The following CSMD1 variants were observed in gnomAD, a reference collection of about 807,000 sequenced individuals.
CSMD1 encodes the protein CUB and Sushi multiple domains 1, also known as CUB and sushi domain-containing protein 1.
A neutral mutation model predicts 417.5 loss-of-function variants in CSMD1; 213 were observed. The observed-to-expected ratio is 0.51, with a 90% CI of 0.46 to 0.57. The LOEUF (loss-of-function observed/expected upper bound fraction) is 0.57. CSMD1 is among the 20% of genes least tolerant of loss of function. The pLI, the probability that CSMD1 is intolerant of heterozygous loss-of-function variation, is 0.00. For synonymous variants in CSMD1, 2,862 were observed against 1,736.8 expected, an observed-to-expected ratio of 1.65 and a Z score of -16.11; for missense variants, 6,923 against 4,529.7, an observed-to-expected ratio of 1.53 and a Z score of -15.17.
intron 7 of CSMD1, among the ~76,000 whole-genome samples, chr8:3,619,474 G>C (rs1014157158): frequency 2.6e-5 from 4 of 152,040 alleles, no homozygotes; most frequent in Admixed American, 2.6e-4. Flanking sequence ...AGTCACTGAA[G>C]AAATATATGC....
chr8:4,216,478 T>C (rs1009367816), intron 3 of CSMD1, among the ~76,000 whole-genome samples: 1 of 152,138 alleles, frequency 6.6e-6, no homozygotes, highest in African/African-American at 2.4e-5. Flanking sequence ...ATTAGTAAAA[T>C]TTTACTCATT....
chr8:3,819,139 A>G (rs1801568593), intron 5 of CSMD1, among the ~76,000 whole-genome samples: 1 of 152,208 alleles, frequency 6.6e-6, no homozygotes, highest in South Asian at 2.1e-4. Flanking sequence ...CTGGTCTAGC[A>G]GGCGGAAAGG....
At chr8:4,875,609 T>A (rs1802997614) in intron 1 of CSMD1, among the ~76,000 whole-genome samples, 1 of 152,080 alleles carries the variant, frequency 6.6e-6, no homozygotes, top group Non-Finnish European at 1.5e-5. Context: ...TAAGCGTAGC[T>A]TGAGTTGTTT....
intron 1 of CSMD1, among the ~76,000 whole-genome samples, chr8:4,750,596 G>T (rs1355915607): frequency 2.0e-5 from 3 of 151,928 alleles, no homozygotes; most frequent in Non-Finnish European, 4.4e-5. Context: ...TGAGTGGTTC[G>T]TGATCCAGCA....
intron 25 of CSMD1, among the ~76,000 whole-genome samples, chr8:3,302,811 G>C (rs999877281): frequency 7.9e-5 from 12 of 152,190 alleles, no homozygotes; most frequent in African/African-American, 2.9e-4. Flanking sequence ...CAGCTGAAAT[G>C]TGAGTGGTAT....
rs144720313 is a variant in CSMD1 at position 3,320,535 on chromosome 8, A to G, written c.3632-12032T>C. Among the ~76,000 whole-genome samples, 923 of 152,292 alleles carry G rather than the reference A, an allele frequency of 6.1e-3. 10 individuals are homozygous for G. The highest frequency in any genetic ancestry group is 0.021 in the African/African-American group (865 of 41,570). ...CATAGGCTGATACTTTTTTTATTCT[A>G]CAACTAATAAATACAAAGAAATTGT... On this transcript the variant is annotated intron_variant, in intron 23 of 69. Transcript: ENST00000635120.
At chr8:4,358,486 T>C (rs1188778512) in intron 3 of CSMD1, among the ~76,000 whole-genome samples, 1 of 152,158 alleles carries the variant, frequency 6.6e-6, no homozygotes, top group Non-Finnish European at 1.5e-5. Context: ...TTCCACAAGG[T>C]GTATGTCTCC....
chr8:4,445,254 T>C (rs1170081205), intron 2 of CSMD1, among the ~76,000 whole-genome samples: 1 of 152,204 alleles, frequency 6.6e-6, no homozygotes, highest in African/African-American at 2.4e-5. Flanking sequence ...GTTCTCTTTC[T>C]AGCCATATGT....
intron 21 of CSMD1, among the ~76,000 whole-genome samples, chr8:3,349,490 C>T (rs1431654708): frequency 6.6e-6 from 1 of 151,886 alleles, no homozygotes; most frequent in East Asian, 1.9e-4. Flanking sequence ...ACTTCTCCCT[C>T]ATCCTCCTTA....
chr8:4,957,676 A>C (rs901070182), intron 1 of CSMD1, among the ~76,000 whole-genome samples: 13 of 152,222 alleles, frequency 8.5e-5, no homozygotes, highest in Non-Finnish European at 1.6e-4. Flanking sequence ...AAAGGATATA[A>C]AAACTCATTG....
chr8:3,645,303 G>A (rs1797521594), intron 7 of CSMD1, among the ~76,000 whole-genome samples: 1 of 152,148 alleles, frequency 6.6e-6, no homozygotes, highest in Non-Finnish European at 1.5e-5. Context: ...ACACAAATGT[G>A]TTCTCCCAGC....
At chr8:3,713,450 C>T (rs1801643122) in intron 6 of CSMD1, among the ~76,000 whole-genome samples, 1 of 152,138 alleles carries the variant, frequency 6.6e-6, no homozygotes, top group South Asian at 2.1e-4. Flanking sequence ...TCCTGCCCTC[C>T]TCTGTAGCCC....
At chr8:3,891,349 C>T (rs1806958324) in intron 5 of CSMD1, among the ~76,000 whole-genome samples, 1 of 152,150 alleles carries the variant, frequency 6.6e-6, no homozygotes, top group South Asian at 2.1e-4. Context: ...CGCGCCTATC[C>T]TGAGCAGGTT....
intron 8 of CSMD1, among the ~76,000 whole-genome samples, chr8:3,611,445 G>T (rs951836135): frequency 2.6e-5 from 4 of 152,012 alleles, no homozygotes; most frequent in African/African-American, 9.7e-5. Flanking sequence ...TTAATTTAAA[G>T]AACGATAGAC....
intron 25 of CSMD1, among the ~76,000 whole-genome samples, chr8:3,296,182 G>T (rs991314187): frequency 1.3e-5 from 2 of 152,008 alleles, no homozygotes; most frequent in African/African-American, 4.8e-5. Flanking sequence ...AGTATTAAAT[G>T]GGGTGGTTAG....
intron 10 of CSMD1, among the ~76,000 whole-genome samples, chr8:3,524,366 C>G (rs1342205096): frequency 2.0e-5 from 3 of 151,824 alleles, no homozygotes; most frequent in African/African-American, 7.3e-5. Context: ...CAGGCGCACA[C>G]AAGTGCACAC....
intron 3 of CSMD1, among the ~76,000 whole-genome samples, chr8:4,350,538 G>A (rs1425380158): frequency 6.6e-6 from 1 of 152,160 alleles, no homozygotes; most frequent in Non-Finnish European, 1.5e-5. Flanking sequence ...AGGTAGGAAT[G>A]GAGGCTAATG....
At chr8:3,333,094 T>G (rs1486363245) in intron 23 of CSMD1, among the ~76,000 whole-genome samples, 2 of 152,248 alleles carry the variant, frequency 1.3e-5, no homozygotes, top group South Asian at 2.1e-4. Flanking sequence ...GAAATGCCAG[T>G]GGCACCAAGG....
At chr8:3,816,751 G>T (rs1284789999) in intron 5 of CSMD1, among the ~76,000 whole-genome samples, 3 of 152,096 alleles carry the variant, frequency 2.0e-5, no homozygotes, top group Non-Finnish European at 4.4e-5. Context: ...TTGAAAATAT[G>T]CATACCTAAT....
Sources: allele counts gnomAD v4.1 joint callset (sites outside exome capture counted in the v4.1 genomes callset), GRCh38; gene constraint gnomAD v4.1.1; transcripts MANE v1.5; gene names NCBI Gene and HGNC (gene_info 2026-07-23, HGNC 2026-07-21).